The following CDH13 variants were observed in gnomAD, a reference collection of about 807,000 sequenced individuals.
CDH13 encodes the protein cadherin-13.
A neutral mutation model predicts 63.8 loss-of-function variants in CDH13; 24 were observed. The observed-to-expected ratio is 0.38, with a 90% CI of 0.27 to 0.53. CDH13 has a LOEUF of 0.53. CDH13 is among the 20% of genes least tolerant of loss of function. CDH13 has a pLI of 0.85. For synonymous variants in CDH13, 503 were observed against 355.3 expected (o/e 1.42, Z -4.67); for missense variants, 1,049 against 903.1 (o/e 1.16, Z -2.07).
chr16:83,295,291 G>A (rs1597686579), intron 5 of CDH13, among the ~76,000 whole-genome samples: 1 of 152,064 alleles, frequency 6.6e-6, no homozygotes, highest in South Asian at 2.1e-4. Context: ...AGAAAACATA[G>A]GGAAAAGTTC....
rs111740985 is a variant in CDH13, at chr16:83,443,499, CTT to C, written c.782-42974_782-42973del. Among the ~76,000 whole-genome samples the C allele has an allele frequency of 3.4e-3, 512 of 152,050 alleles. 7 individuals are homozygous for C. Among genetic ancestry groups the C allele is most frequent in the African/African-American group, 0.012 (498 of 41,446 alleles). On this transcript the variant is annotated intron_variant, in intron 6 of 13. Transcript: ENST00000567109. ...ATTTTTACGGGTTACTAGCCCCTCACTTTTTCTGAAGTACTAAAAGCAGAATC... is the reference window on the plus strand; with the variant it reads ...ATTTTTACGGGTTACTAGCCCCTCACTTTCTGAAGTACTAAAAGCAGAATC...
intron 3 of CDH13, among the ~76,000 whole-genome samples, chr16:83,096,295 A>G (rs1457913640): frequency 6.6e-6 from 1 of 152,214 alleles, no homozygotes; most frequent in Non-Finnish European, 1.5e-5. Context: ...TCTACCTGAG[A>G]GCAGCCCAGA....
At chr16:82,708,563 C>G (rs2031672597) in intron 1 of CDH13, among the ~76,000 whole-genome samples, 1 of 152,176 alleles carries the variant, frequency 6.6e-6, no homozygotes, top group Non-Finnish European at 1.5e-5. Flanking sequence ...ATAGTATCCT[C>G]TACTTTCTTG....
chr16:83,269,618 T>G (rs2088737177), intron 5 of CDH13, among the ~76,000 whole-genome samples: 1 of 152,210 alleles, frequency 6.6e-6, no homozygotes, highest in East Asian at 1.9e-4. Flanking sequence ...GAGGGTTATG[T>G]TGTCCTTAGT....
chr16:82,811,649 G>C lies in CDH13; in HGVS notation c.46-46713G>C, dbSNP rs139855754. ...AAAATGAGAAAAAAGAGGGACCATA[G>C]AGACCAACTAGAAGGTGATAGCAGT... On this transcript the variant is annotated intron_variant, in intron 1 of 13. Coordinates refer to ENST00000567109, the MANE Select transcript of CDH13 (RefSeq NM_001257.5). 3.6e-3 allele frequency among the ~76,000 whole-genome samples: 553 copies of C among 152,294 alleles called. 3 individuals carry two copies. Among genetic ancestry groups the C allele is most frequent in the African/African-American group, 0.012 (518 of 41,574 alleles).
At chr16:83,231,088 G>C (rs576070737) in intron 5 of CDH13, among the ~76,000 whole-genome samples, 1 of 152,146 alleles carries the variant, frequency 6.6e-6, no homozygotes, top group African/African-American at 2.4e-5. Flanking sequence ...TGCTAGGATC[G>C]GAACAGGGAA....
chr16:83,532,256 A>C (rs1013380866), intron 7 of CDH13, among the ~76,000 whole-genome samples: 5 of 152,156 alleles, frequency 3.3e-5, no homozygotes, highest in Admixed American at 3.3e-4. Context: ...GTGAAAACAG[A>C]CTAGTACAAG....
chr16:83,508,103 G>GGAAGGAAA (rs2074455597), intron 7 of CDH13, among the ~76,000 whole-genome samples: 1 of 77,168 alleles, frequency 1.3e-5, no homozygotes, highest in Admixed American at 1.3e-4. Flanking sequence ...AAGGAAAGAA[G>GGAAGGAAA]GAAGGAAAAG....
chr16:82,988,341 A>T (rs1567721620), intron 2 of CDH13, among the ~76,000 whole-genome samples: 1 of 152,140 alleles, frequency 6.6e-6, no homozygotes, highest in South Asian at 2.1e-4. Context: ...TTTCTTGGCA[A>T]ATCAGTGAAA....
intron 3 of CDH13, among the ~76,000 whole-genome samples, chr16:83,055,985 T>A (rs1165796419): frequency 6.6e-6 from 1 of 152,138 alleles, no homozygotes; most frequent in Non-Finnish European, 1.5e-5. Context: ...TAGGACATGT[T>A]AACAACTCCT....
chr16:82,693,018 G>A (rs1199324744), intron 1 of CDH13, among the ~76,000 whole-genome samples: 1 of 152,138 alleles, frequency 6.6e-6, no homozygotes, highest in Non-Finnish European at 1.5e-5. Flanking sequence ...TGCTGGCTTT[G>A]ATAAAGCAAG....
intron 2 of CDH13, among the ~76,000 whole-genome samples, chr16:83,006,973 G>T (rs970174048): frequency 6.6e-6 from 1 of 150,908 alleles, no homozygotes; most frequent in African/African-American, 2.4e-5. Flanking sequence ...GCCCAGGCTG[G>T]AGTGCAATGG....
intron 8 of CDH13, among the ~76,000 whole-genome samples, chr16:83,651,889 C>G (rs1348075248): frequency 6.6e-6 from 1 of 152,224 alleles, no homozygotes. Context: ...GCCACCACAC[C>G]CATCCCATAG....
intron 5 of CDH13, among the ~76,000 whole-genome samples, chr16:83,247,162 A>G (rs189480411): frequency 2.6e-4 from 39 of 152,280 alleles, no homozygotes; most frequent in African/African-American, 9.4e-4. Flanking sequence ...GGGAAGAACC[A>G]GTTCACAGAT....
At chr16:82,888,481 C>T (rs1332219254) in intron 2 of CDH13, among the ~76,000 whole-genome samples, 1 of 152,220 alleles carries the variant, frequency 6.6e-6, no homozygotes, top group Non-Finnish European at 1.5e-5. Flanking sequence ...GCTCTCTGTC[C>T]CTGCTGCCTC....
At chr16:83,282,602 A>G (rs1004985557) in intron 5 of CDH13, among the ~76,000 whole-genome samples, 1 of 152,228 alleles carries the variant, frequency 6.6e-6, no homozygotes, top group African/African-American at 2.4e-5. Flanking sequence ...AAATTTTGCA[A>G]CATACATGCC....
intron 10 of CDH13, chr16:83,710,036 G>A (rs1429475651): frequency 1.3e-5 from 2 of 152,232 alleles, no homozygotes; most frequent in Admixed American, 1.3e-4. Flanking sequence ...CTTGCCCCCA[G>A]ATGACATTTG....
intron 8 of CDH13, among the ~76,000 whole-genome samples, chr16:83,650,972 A>C (rs1402815120): frequency 6.6e-6 from 1 of 151,762 alleles, no homozygotes; most frequent in Non-Finnish European, 1.5e-5. Flanking sequence ...GTGGTGTCAC[A>C]TGCCTGCAGT....
chr16:83,236,010 A>C (rs1446242257), intron 5 of CDH13, among the ~76,000 whole-genome samples: 6 of 152,226 alleles, frequency 3.9e-5, no homozygotes, highest in Non-Finnish European at 8.8e-5. Context: ...TGATTAATTC[A>C]GAAATAATTT....
Sources: allele counts gnomAD v4.1 joint callset (sites outside exome capture counted in the v4.1 genomes callset), GRCh38; gene constraint gnomAD v4.1.1; transcripts MANE v1.5; gene names NCBI Gene and HGNC (gene_info 2026-07-23, HGNC 2026-07-21).